SIAE: variants seen among roughly 807,000 people sequenced by gnomAD.
The protein encoded by SIAE is sialic acid acetylesterase.
A neutral mutation model predicts 52.6 loss-of-function variants in SIAE; 39 were observed. The ratio of observed to expected loss-of-function variants is 0.74; its 90% CI spans 0.57 to 0.97. The LOEUF is 0.97. SIAE is among the 50% of genes least tolerant of loss of function. SIAE has a pLI of 0.00. For missense variants in SIAE, 592 were observed against 662.1 expected, an observed-to-expected ratio of 0.89 and a Z score of 1.16; for synonymous variants, 233 against 241.4, an observed-to-expected ratio of 0.97 and a Z score of 0.32.
At position 124,636,875 on chromosome 11, in the gene SIAE, GTTA is replaced by G; in HGVS notation, c.*73_*75del. 1.9e-6 allele frequency: 3 copies of G among 1,594,280 alleles called. No individual in the cohort carries two copies. Among genetic ancestry groups the G allele is most frequent in the Non-Finnish European group, 2.6e-6 (3 of 1,163,734 alleles). On this transcript the variant is annotated 3_prime_UTR_variant, in exon 10 of 10. Transcript: ENST00000263593. ...CTATTAATTTCCTTTAAAAGCAATGGTTATTATTGAAACTCCTAAATGCTAAAA... is the reference window on the plus strand; with the variant it reads ...CTATTAATTTCCTTTAAAAGCAATGGTTATTGAAACTCCTAAATGCTAAAA...
At chr11:124,673,517 A>G in intron 1 of SIAE, 125 bp downstream of exon 1, 1 of 1,143,658 alleles carries the variant, frequency 8.7e-7, no homozygotes, top group Non-Finnish European at 1.3e-6. Context: ...GCGAGCCCCT[A>G]GCCTAGCTAG....
upstream of SIAE, chr11:124,673,924 C>T (rs994698477): frequency 3.9e-5 from 23 of 589,994 alleles, no homozygotes; most frequent in Admixed American, 2.1e-4. Context: ...ACAACCGGAA[C>T]CGGCGGCACC....
chr11:124,652,430 G>A (rs938447395), intron 4 of SIAE, among the ~76,000 whole-genome samples: 1 of 152,130 alleles, frequency 6.6e-6, no homozygotes, highest in African/African-American at 2.4e-5. Context: ...GCTCACGCCT[G>A]TAATCCCAGC....
chr11:124,673,445 G>T (rs1342259021), intron 1 of SIAE, among the ~76,000 whole-genome samples, 197 bp downstream of exon 1: 2 of 152,210 alleles, frequency 1.3e-5, no homozygotes, highest in African/African-American at 2.4e-5. Context: ...GGGGGGTGGA[G>T]AAAGTGGAGA....
intron 5 of SIAE, among the ~76,000 whole-genome samples, chr11:124,649,293 A>C (rs1320657338): frequency 6.7e-6 from 1 of 150,226 alleles, no homozygotes; most frequent in Non-Finnish European, 1.5e-5. Context: ...ACTTCAATAT[A>C]TTAATATATA....
chr11:124,649,450 G>A (rs1434039198), intron 5 of SIAE, among the ~76,000 whole-genome samples, 169 bp downstream of exon 5: 1 of 152,080 alleles, frequency 6.6e-6, no homozygotes, highest in Admixed American at 6.6e-5. Flanking sequence ...AACGATTGTG[G>A]TGGCAGTGAC....
chr11:124,642,443 G>A (rs1282438662), intron 7 of SIAE, among the ~76,000 whole-genome samples: 2 of 152,172 alleles, frequency 1.3e-5, no homozygotes, highest in Non-Finnish European at 2.9e-5. Flanking sequence ...AAGAGAGAAT[G>A]AATAACAAGA....
intron 2 of SIAE, among the ~76,000 whole-genome samples, chr11:124,668,349 T>C (rs138141091): frequency 2.8e-4 from 43 of 152,330 alleles, no homozygotes; most frequent in African/African-American, 1.0e-3. Context: ...GTGGCACTTA[T>C]CACACTTAAC....
intron 7 of SIAE, among the ~76,000 whole-genome samples, chr11:124,646,705 C>A (rs943782346): frequency 6.6e-6 from 1 of 152,126 alleles, no homozygotes; most frequent in Non-Finnish European, 1.5e-5. Context: ...ACCTTTTGAA[C>A]CAGAAATTTC....
At chr11:124,675,601 A>G (rs1591401642), upstream of SIAE, 1 of 572,420 alleles carries the variant, frequency 1.7e-6, no homozygotes, top group East Asian at 3.3e-5. Context: ...AATTCGTTTC[A>G]TATTATCGAA....
intron 4 of SIAE, among the ~76,000 whole-genome samples, chr11:124,653,012 A>G (rs1164926903): frequency 6.6e-6 from 1 of 152,196 alleles, no homozygotes; most frequent in Admixed American, 6.5e-5. Flanking sequence ...TCCAAATTTG[A>G]TTGAGTCCTG....
At chr11:124,665,832 A>C (rs1366344482) in intron 2 of SIAE, among the ~76,000 whole-genome samples, 1 of 152,154 alleles carries the variant, frequency 6.6e-6, no homozygotes, top group Non-Finnish European at 1.5e-5. Flanking sequence ...AGAAAAAAAG[A>C]GAAAAGAAAA....
At chr11:124,672,357 G>C (rs1345658168) in intron 1 of SIAE, among the ~76,000 whole-genome samples, 1 of 152,178 alleles carries the variant, frequency 6.6e-6, no homozygotes, top group African/African-American at 2.4e-5. Context: ...CAATAGACTG[G>C]CAATGTTCTA....
At chr11:124,642,551 TAGA>T (rs1942866015) in intron 7 of SIAE, among the ~76,000 whole-genome samples, 1 of 152,152 alleles carries the variant, frequency 6.6e-6, no homozygotes, top group African/African-American at 2.4e-5. Context: ...GAATGAAGAC[TAGA>T]AGGAGATGCG....
intron 7 of SIAE, among the ~76,000 whole-genome samples, chr11:124,646,573 AG>A (rs1448648484): frequency 7.0e-6 from 1 of 141,894 alleles, no homozygotes; most frequent in African/African-American, 2.6e-5. Flanking sequence ...GATAACACCA[AG>A]TTGGGGAGGG....
intron 8 of SIAE, among the ~76,000 whole-genome samples, 190 bp from the exon 9 acceptor site, chr11:124,638,927 A>G (rs556267018): frequency 6.6e-6 from 1 of 152,184 alleles, no homozygotes; most frequent in Non-Finnish European, 1.5e-5. Flanking sequence ...TGGGCCTTCT[A>G]TGGGTTGGAA....
At chr11:124,640,189 C>G (rs1942823119) in intron 7 of SIAE, among the ~76,000 whole-genome samples, 1 of 151,954 alleles carries the variant, frequency 6.6e-6, no homozygotes, top group Non-Finnish European at 1.5e-5. Context: ...GAGTCTTGGC[C>G]TTATGAGGCC....
At chr11:124,653,469 G>A (rs564824586) in intron 4 of SIAE, among the ~76,000 whole-genome samples, 75 of 152,152 alleles carry the variant, frequency 4.9e-4, no homozygotes, top group Non-Finnish European at 1.0e-3. Flanking sequence ...AGGAGGAGAA[G>A]TAGGAAAAGA....
rs1019137284 is a variant in SIAE, at chr11:124,660,778, T to C, written c.255A>G (p.Val85=). The change falls in exon 3 of 10, where the codon GTA becomes GTG. Residue 85 remains valine (V), a synonymous_variant. Transcript: ENST00000263593. ...GTCCTCCAGGCTTCATAGGATCCAG[T>C]ACCACCATCCACGTATCAGAGTGAG... The part of the protein sequence containing the change: ...VKAHSDTWMV[V]LDPMKPGGPF... The C allele has an allele frequency of 6.2e-6, 10 of 1,614,064 alleles. No individual in the cohort carries two copies. Among genetic ancestry groups the C allele is most frequent in the Admixed American group, 1.7e-5 (1 of 60,000 alleles).
Sources: allele counts gnomAD v4.1 joint callset (sites outside exome capture counted in the v4.1 genomes callset), GRCh38; gene constraint gnomAD v4.1.1; transcripts MANE v1.5; gene names NCBI Gene and HGNC (gene_info 2026-07-23, HGNC 2026-07-21).